FHIT: variants seen among roughly 807,000 people sequenced by gnomAD.
FHIT encodes bis(5'-adenosyl)-triphosphatase.
Under a neutral mutation model 17.9 loss-of-function variants are expected in FHIT, and 19 were observed. That is an observed-to-expected ratio of 1.06 (90% CI 0.74 to 1.56). The LOEUF is 1.56. Ranked by LOEUF, FHIT falls within the 40% of genes most tolerant of loss-of-function variation. FHIT has a pLI of 0.00. For missense variants in FHIT, 248 were observed against 189.2 expected (o/e 1.31, Z -1.82); for synonymous variants, 81 against 69.7 (o/e 1.16, Z -0.81).
At chr3:60,194,775 G>A in intron 5 of FHIT, among the ~76,000 whole-genome samples, 1 of 152,014 alleles carries the variant, frequency 6.6e-6, no homozygotes, top group East Asian at 1.9e-4. Flanking sequence ...ATGGGCAAAG[G>A]ACATGAACAG....
chr3:61,097,713 CT>C (rs1427940376), intron 2 of FHIT, among the ~76,000 whole-genome samples: 3 of 151,844 alleles, frequency 2.0e-5, no homozygotes, highest in Admixed American at 2.0e-4. Flanking sequence ...TGATGTTGAG[CT>C]TTTTTTTCAG....
At chr3:60,960,174 T>C (rs1205457255) in intron 3 of FHIT, among the ~76,000 whole-genome samples, 2 of 152,166 alleles carry the variant, frequency 1.3e-5, no homozygotes, top group Non-Finnish European at 2.9e-5. Flanking sequence ...TCTTCCCTTC[T>C]TCCCACCCTA....
intron 3 of FHIT, among the ~76,000 whole-genome samples, chr3:60,859,569 A>G (rs1489959947): frequency 2.0e-5 from 3 of 151,524 alleles, no homozygotes; most frequent in East Asian, 2.0e-4. Flanking sequence ...AATCCTCTAG[A>G]CTCTACTCCT....
chr3:60,204,636 A>G (rs532500540), intron 5 of FHIT, among the ~76,000 whole-genome samples: 67 of 152,166 alleles, frequency 4.4e-4, no homozygotes, highest in African/African-American at 1.5e-3. Flanking sequence ...GCCAATAAAA[A>G]TGAAAAGATG....
At chr3:60,971,672 C>T (rs183512268) in intron 3 of FHIT, among the ~76,000 whole-genome samples, 126 of 152,192 alleles carry the variant, frequency 8.3e-4, no homozygotes, top group African/African-American at 2.5e-3. Flanking sequence ...GCAGTTAGAT[C>T]TAGAGGCATG....
At chr3:60,170,707 A>G (rs1268147429) in intron 5 of FHIT, among the ~76,000 whole-genome samples, 1 of 152,212 alleles carries the variant, frequency 6.6e-6, no homozygotes, top group East Asian at 1.9e-4. Context: ...GCAAGATCAA[A>G]CACTGGGGAA....
chr3:59,990,503 C>T (rs551414674), intron 7 of FHIT, among the ~76,000 whole-genome samples: 62 of 152,058 alleles, frequency 4.1e-4, no homozygotes, highest in Non-Finnish European at 7.8e-4. Context: ...ATGAGGGGAA[C>T]CCGCTCTCAC....
intron 5 of FHIT, among the ~76,000 whole-genome samples, chr3:60,395,586 T>C (rs188195417): frequency 5.3e-5 from 8 of 152,218 alleles, no homozygotes; most frequent in East Asian, 1.9e-4. Flanking sequence ...ATGAGCTAGA[T>C]AGAGAGTCTT....
At chr3:60,373,654 T>C (rs965544633) in intron 5 of FHIT, among the ~76,000 whole-genome samples, 6 of 152,124 alleles carry the variant, frequency 3.9e-5, no homozygotes, top group African/African-American at 7.2e-5. Context: ...AGACCAGCAA[T>C]TGTCCCCAAA....
At chr3:60,909,098 C>T (rs1038305004) in intron 3 of FHIT, among the ~76,000 whole-genome samples, 9 of 151,924 alleles carry the variant, frequency 5.9e-5, no homozygotes, top group Admixed American at 3.3e-4. Flanking sequence ...TGGCAGGGAG[C>T]GGCGGCTCAC....
chr3:60,281,064 A>G (rs920279142), intron 5 of FHIT, among the ~76,000 whole-genome samples: 1 of 152,258 alleles, frequency 6.6e-6, no homozygotes, highest in Non-Finnish European at 1.5e-5. Context: ...AGAAAATAAC[A>G]AATGGAAATT....
intron 4 of FHIT, among the ~76,000 whole-genome samples, chr3:60,819,314 G>A (rs1210008758): frequency 6.6e-6 from 1 of 152,116 alleles, no homozygotes; most frequent in Non-Finnish European, 1.5e-5. Context: ...GACTTGGAAT[G>A]AAAACACAGC....
intron 4 of FHIT, among the ~76,000 whole-genome samples, chr3:60,555,804 G>A (rs190153313): frequency 4.4e-4 from 67 of 152,278 alleles, no homozygotes; most frequent in Non-Finnish European, 6.9e-4. Flanking sequence ...GACTGAGACC[G>A]GCACCTGAAT....
At chr3:59,953,887 G>C (rs1241314636) in intron 7 of FHIT, among the ~76,000 whole-genome samples, 2 of 152,226 alleles carry the variant, frequency 1.3e-5, no homozygotes, top group Non-Finnish European at 2.9e-5. Context: ...GAGAGGTCCT[G>C]ATGCCTGTGG....
chr3:59,829,595 T>C (rs1034574173), intron 8 of FHIT, among the ~76,000 whole-genome samples: 3 of 152,210 alleles, frequency 2.0e-5, no homozygotes, highest in Non-Finnish European at 4.4e-5. Context: ...AAAAGACATA[T>C]ACTATTCCAT....
intron 5 of FHIT, among the ~76,000 whole-genome samples, chr3:60,078,604 A>G (rs1246286142): frequency 6.6e-6 from 1 of 152,170 alleles, no homozygotes; most frequent in African/African-American, 2.4e-5. Flanking sequence ...GCATTTCCAT[A>G]AGGTCTGCAG....
At chr3:60,974,142 T>A (rs1184810750) in intron 3 of FHIT, among the ~76,000 whole-genome samples, 1 of 152,224 alleles carries the variant, frequency 6.6e-6, no homozygotes, top group African/African-American at 2.4e-5. Context: ...TTTTTAAAAA[T>A]TAATGATATC....
chr3:60,923,816 A>G (rs1301083807), intron 3 of FHIT, among the ~76,000 whole-genome samples: 1 of 152,156 alleles, frequency 6.6e-6, no homozygotes, highest in East Asian at 1.9e-4. Context: ...TAGTCAAAGA[A>G]AGGGGTGACA....
rs1019400543 is a variant in FHIT, at chr3:61,115,298, G to T, written c.-163-73199C>A. The stretch of plus-strand genomic sequence containing the variant: ...AAGAGAAAATGCCAAAAGCCCAGAG[G>T]AGGGCTAAGAGTTCACCATGTGAAG... On this transcript the variant is annotated intron_variant, in intron 2 of 9. Coordinates refer to ENST00000492590, the MANE Select transcript of FHIT (RefSeq NM_002012.4). Among the ~76,000 whole-genome samples, 3 of 152,282 alleles carry T rather than the reference G, an allele frequency of 2.0e-5. No homozygotes were observed. In the South Asian group the frequency reaches 6.2e-4, roughly 32 times the overall value.
Sources: gnomAD v4.1 joint callset for allele counts (sites outside exome capture counted in the v4.1 genomes callset) on GRCh38, gnomAD v4.1.1 for gene constraint, MANE v1.5 for transcripts, NCBI Gene and HGNC (gene_info 2026-07-23, HGNC 2026-07-21) for gene names.